PHACTR2: variants seen among roughly 807,000 people sequenced by gnomAD.
PHACTR2 encodes the protein chromosome 6 open reading frame 56.
In PHACTR2, 30 loss-of-function variants were observed where a neutral mutation model predicts 76.0. The observed-to-expected ratio is 0.39, with a 90% CI of 0.30 to 0.54. PHACTR2 has a LOEUF of 0.54. Among genes scored for constraint, PHACTR2 ranks in the 20% least tolerant of loss-of-function variants. The pLI is 0.61. For synonymous variants in PHACTR2, 292 were observed against 292.5 expected (o/e 1.00, Z 0.02); for missense variants, 696 against 781.1 (o/e 0.89, Z 1.30).
intron 1 of PHACTR2, among the ~76,000 whole-genome samples, chr6:143,699,808 C>G (rs1777860294): frequency 6.6e-6 from 1 of 152,214 alleles, no homozygotes; most frequent in South Asian, 2.1e-4. Flanking sequence ...TTCGCTCCTT[C>G]TCTCCAAGTT....
intron 4 of PHACTR2, among the ~76,000 whole-genome samples, chr6:143,759,118 A>C (rs1779372696): frequency 6.6e-6 from 1 of 152,182 alleles, no homozygotes; most frequent in Non-Finnish European, 1.5e-5. Context: ...CACTATTAGA[A>C]AGAATACAGA....
At position 143,767,300 on chromosome 6, in the gene PHACTR2, A is replaced by G. The variant is rs1779583247; in HGVS notation, c.1232+1502A>G. Among the ~76,000 whole-genome samples, 1 of 152,194 alleles carries G rather than the reference A, an allele frequency of 6.6e-6. No individual in the cohort carries two copies. Among genetic ancestry groups the G allele is most frequent in the Non-Finnish European group, 1.5e-5 (1 of 68,034 alleles). On this transcript the variant is annotated intron_variant, in intron 6 of 12. Transcript: ENST00000440869. The surrounding 1 kb of genome is among the most constrained non-coding windows in gnomAD (Gnocchi z 4.4). Reference sequence around the variant, plus strand: ...ATGCATACCCAATTCCATGCTCTGAATGAATAATTTCATGTTTTCCAAAGC... The same window carrying G: ...ATGCATACCCAATTCCATGCTCTGAGTGAATAATTTCATGTTTTCCAAAGC...
intron 11 of PHACTR2, among the ~76,000 whole-genome samples, chr6:143,804,254 C>G (rs539004866): frequency 6.6e-6 from 1 of 152,334 alleles, no homozygotes; most frequent in East Asian, 1.9e-4. Context: ...CTCTCTCTCT[C>G]TATCTACCCA....
Position 143,618,283 on chromosome 6 carries a change from A to ACACACACACACG in PHACTR2, c.13+9964_13+9965insACACACACGCAC, listed in dbSNP as rs112070406. Among the ~76,000 whole-genome samples, 21 of 147,590 alleles carry ACACACACACACG rather than the reference A, an allele frequency of 1.4e-4. No homozygotes were observed. The highest frequency in any genetic ancestry group is 4.9e-4 in the African/African-American group (20 of 40,910). On this transcript the variant is annotated intron_variant, in intron 1 of 11. Coordinates refer to the PHACTR2 transcript ENST00000305766. This position sits in a 1 kb window ranked among gnomAD's most constrained non-coding sequence, Gnocchi z 5.2. ...CACACACACACACACACACACACAC[A>ACACACACACACG]CACGCACACTCCAGAATGAGTTTCA...
At chr6:143,575,590 A>G (rs1775496604) in intron 1 of PHACTR2, among the ~76,000 whole-genome samples, 2 of 152,250 alleles carry the variant, frequency 1.3e-5, no homozygotes, top group Admixed American at 1.3e-4. Context: ...GTAAGACACC[A>G]GAGACTTGAT....
At position 143,757,348 on chromosome 6, in the gene PHACTR2, C is replaced by G. The variant is rs1779325525; in HGVS notation, c.455-3053C>G. On this transcript the variant is annotated intron_variant, in intron 4 of 12. Coordinates refer to ENST00000440869, the MANE Select transcript of PHACTR2 (RefSeq NM_001100164.2). This position sits in a 1 kb window ranked among gnomAD's most constrained non-coding sequence, Gnocchi z 4.2. The stretch of plus-strand genomic sequence containing the variant: ...CGTAGAAGGCCTGAGCACAGCAACC[C>G]AAGGGAGCTCACAGTGAGGGCCAAC... Among the ~76,000 whole-genome samples, 1 of 152,164 alleles carries G rather than the reference C, an allele frequency of 6.6e-6. No homozygotes were observed. Among genetic ancestry groups the G allele is most frequent in the Non-Finnish European group, 1.5e-5 (1 of 68,036 alleles).
At chr6:143,716,974 C>G (rs934312887) in intron 2 of PHACTR2, among the ~76,000 whole-genome samples, 1 of 152,178 alleles carries the variant, frequency 6.6e-6, no homozygotes, top group Admixed American at 6.5e-5. Context: ...GGAAACATTC[C>G]TCAGATGGGA....
chr6:143,610,496 G>A lies in PHACTR2; in HGVS notation c.13+2174G>A, dbSNP rs1352033914. The stretch of plus-strand genomic sequence containing the variant: ...AAGGAGCCAGACCTTCTTCTAGCAA[G>A]GCTTTCTGTGTGGGAGTTTGGATAA... On this transcript the variant is annotated intron_variant, in intron 1 of 11. Transcript: ENST00000305766. This position sits in a 1 kb window ranked among gnomAD's most constrained non-coding sequence, Gnocchi z 4.9. Among the ~76,000 whole-genome samples, 1 of 152,196 alleles carries A rather than the reference G, an allele frequency of 6.6e-6. No individual in the cohort carries two copies. Among genetic ancestry groups the A allele is most frequent in the Non-Finnish European group, 1.5e-5 (1 of 68,038 alleles).
Position 143,795,682 on chromosome 6 carries a change from C to A in PHACTR2, c.1845+6772C>A, listed in dbSNP as rs1039280228. 6.6e-6 allele frequency among the ~76,000 whole-genome samples: 1 copy of A among 152,140 alleles called. No homozygotes were observed. Among genetic ancestry groups the A allele is most frequent in the Non-Finnish European group, 1.5e-5 (1 of 68,026 alleles). On this transcript the variant is annotated intron_variant, in intron 11 of 12. Transcript: ENST00000440869. This position sits in a 1 kb window ranked among gnomAD's most constrained non-coding sequence, Gnocchi z 4.8. Reference sequence around the variant, plus strand: ...GAGAGGGGCAGGCTTTAGAACTGGGCACTTCTAGGATGGATTGATCCTTGA... The same window carrying A: ...GAGAGGGGCAGGCTTTAGAACTGGGAACTTCTAGGATGGATTGATCCTTGA...
Position 143,664,835 on chromosome 6 carries a change from G to A in PHACTR2, c.14-47181G>A, listed in dbSNP as rs1367341400. On this transcript the variant is annotated intron_variant, in intron 1 of 11. Transcript: ENST00000305766. This position sits in a 1 kb window ranked among gnomAD's most constrained non-coding sequence, Gnocchi z 5.1. Reference sequence around the variant, plus strand: ...TTATTTTGAGACACTGTCTTGCTCTGTCACCCAGGCTGGAGTGCAGTGGTG... The same window carrying A: ...TTATTTTGAGACACTGTCTTGCTCTATCACCCAGGCTGGAGTGCAGTGGTG... 6.6e-6 allele frequency among the ~76,000 whole-genome samples: 1 copy of A among 151,872 alleles called. No individual in the cohort carries two copies. Among genetic ancestry groups the A allele is most frequent in the East Asian group, 1.9e-4 (1 of 5,190 alleles).
rs113514728 is a variant in PHACTR2 at position 143,624,133 on chromosome 6, G to A, written c.13+15811G>A. Among the ~76,000 whole-genome samples, 2,330 of 151,858 alleles carry A rather than the reference G, an allele frequency of 0.015. 67 individuals carry two copies. Among genetic ancestry groups the A allele is most frequent in the African/African-American group, 0.053 (2,194 of 41,378 alleles). On this transcript the variant is annotated intron_variant, in intron 1 of 11. Coordinates refer to the PHACTR2 transcript ENST00000305766. The surrounding 1 kb of genome is among the most constrained non-coding windows in gnomAD (Gnocchi z 4.6). ...TTGTTTGTTTGTTTGTTTTTAGACA[G>A]TATTGCTCTTTTGCCCAGGCTGGAG...
At chr6:143,758,913 A>C (rs567310122) in intron 4 of PHACTR2, among the ~76,000 whole-genome samples, 7 of 152,344 alleles carry the variant, frequency 4.6e-5, no homozygotes, top group Admixed American at 2.0e-4. Context: ...ATAAGAAACA[A>C]AATAATATAA....
chr6:143,802,433 A>G (rs1178925119), intron 11 of PHACTR2, among the ~76,000 whole-genome samples: 1 of 151,792 alleles, frequency 6.6e-6, no homozygotes, highest in East Asian at 1.9e-4. Flanking sequence ...TAAGCCCAGG[A>G]GTTCAAGACC....
chr6:143,673,784 G>A (rs1216567384), upstream of PHACTR2, among the ~76,000 whole-genome samples: 1 of 151,470 alleles, frequency 6.6e-6, no homozygotes, highest in Non-Finnish European at 1.5e-5. Context: ...CACTCACTAA[G>A]CAAGCACACG....
Position 143,761,782 on chromosome 6 carries a change from T to A in PHACTR2, c.694+1142T>A, listed in dbSNP as rs1779448998. Among the ~76,000 whole-genome samples, 1 of 152,132 alleles carries A rather than the reference T, an allele frequency of 6.6e-6. No individual in the cohort carries two copies. Among genetic ancestry groups the A allele is most frequent in the South Asian group, 2.1e-4 (1 of 4,832 alleles). ...AAAAAAAAATCTATTTTCCTTAAAA[T>A]CAACAGCAACTTTCTAGCAGTTGAC... On this transcript the variant is annotated intron_variant, in intron 5 of 12. Transcript: ENST00000440869. The surrounding 1 kb of genome is among the most constrained non-coding windows in gnomAD (Gnocchi z 5.2).
upstream of PHACTR2, among the ~76,000 whole-genome samples, chr6:143,606,929 C>G (rs1208445337): frequency 6.6e-6 from 1 of 152,184 alleles, no homozygotes; most frequent in African/African-American, 2.4e-5. Context: ...CATTTCTGAA[C>G]TATCACTGAC....
rs918143238 is a variant in PHACTR2, at chr6:143,684,136, A to G, written c.46+5927A>G. Among the ~76,000 whole-genome samples the G allele has an allele frequency of 2.0e-5, 3 of 152,136 alleles. No homozygotes were observed. Among genetic ancestry groups the G allele is most frequent in the African/African-American group, 4.8e-5 (2 of 41,432 alleles). On this transcript the variant is annotated intron_variant, in intron 1 of 12. Coordinates refer to ENST00000440869, the MANE Select transcript of PHACTR2 (RefSeq NM_001100164.2). This position sits in a 1 kb window ranked among gnomAD's most constrained non-coding sequence, Gnocchi z 4.3. The stretch of plus-strand genomic sequence containing the variant: ...ATGAACAATACTGAAATGAACATCC[A>G]TATCTATGACCTCTCTCTGCACTCC...
chr6:143,559,656 A>G (rs1409807514), intron 1 of PHACTR2, among the ~76,000 whole-genome samples: 2 of 148,972 alleles, frequency 1.3e-5, no homozygotes, highest in African/African-American at 5.0e-5. Flanking sequence ...CTAATACTAG[A>G]AATATCAATA....
intron 1 of PHACTR2, among the ~76,000 whole-genome samples, chr6:143,687,185 C>A (rs563678634): frequency 1.1e-4 from 17 of 151,988 alleles, no homozygotes; most frequent in Non-Finnish European, 1.0e-4. Context: ...TGACTAATAT[C>A]CCAAATATTT....
Sources: gnomAD v4.1 joint callset for allele counts (sites outside exome capture counted in the v4.1 genomes callset) on GRCh38, gnomAD v4.1.1 for gene constraint, Gnocchi (gnomAD v3.1) non-coding constraint, MANE v1.5 for transcripts, NCBI Gene and HGNC (gene_info 2026-07-23, HGNC 2026-07-21) for gene names.